ROCK2: variants seen among roughly 807,000 people sequenced by gnomAD.
The protein encoded by ROCK2 is Rho associated coiled-coil containing protein kinase 2.
Under a neutral mutation model 195.1 loss-of-function variants are expected in ROCK2, and 61 were observed. The observed-to-expected ratio is 0.31, with a 90% CI of 0.25 to 0.39. The LOEUF (loss-of-function observed/expected upper bound fraction) is 0.39, where lower values mean the gene tolerates loss of function less well. ROCK2 is among the 10% of genes least tolerant of loss of function. ROCK2 has a pLI of 1.00. For synonymous variants in ROCK2, 504 were observed against 545.5 expected, an observed-to-expected ratio of 0.92 and a Z score of 1.06; for missense variants, 1,109 against 1,637.4, an observed-to-expected ratio of 0.68 and a Z score of 5.57.
At chr2:11,267,105 T>C (rs1182692889) in intron 3 of ROCK2, among the ~76,000 whole-genome samples, 2 of 152,222 alleles carry the variant, frequency 1.3e-5, no homozygotes, top group African/African-American at 4.8e-5. Flanking sequence ...TCCTTCCAAA[T>C]TTCAACTCCA....
At chr2:11,231,034 T>C (rs931773369) in intron 5 of ROCK2, among the ~76,000 whole-genome samples, 2 of 152,156 alleles carry the variant, frequency 1.3e-5, no homozygotes, top group Non-Finnish European at 2.9e-5. Context: ...ACATTTAAAA[T>C]AATCTGAGAA....
intron 7 of ROCK2, 127 bp from the exon 8 acceptor site, chr2:11,222,301 C>T (rs1484103354): frequency 1.8e-6 from 1 of 564,706 alleles, no homozygotes; most frequent in African/African-American, 1.9e-5. Context: ...AAAGCTTCAG[C>T]TTAAATGTTT....
chr2:11,207,697 T>C, intron 20 of ROCK2, 29 bp downstream of exon 20: 1 of 1,549,962 alleles, frequency 6.5e-7, no homozygotes, highest in South Asian at 1.2e-5. Context: ...TAATTATGCA[T>C]ATTAAAACAT....
intron 5 of ROCK2, among the ~76,000 whole-genome samples, chr2:11,228,611 T>C (rs1253968557): frequency 6.6e-6 from 1 of 152,160 alleles, no homozygotes; most frequent in East Asian, 1.9e-4. Flanking sequence ...ATTTTTATCA[T>C]GGACTGTCCT....
chr2:11,186,420 G>A (rs1439496312), intron 32 of ROCK2, among the ~76,000 whole-genome samples: 2 of 152,152 alleles, frequency 1.3e-5, no homozygotes, highest in Non-Finnish European at 2.9e-5. Flanking sequence ...CGCTAGATGC[G>A]ACTGTAGTGT....
At chr2:11,253,559 G>T (rs1665912404) in intron 3 of ROCK2, among the ~76,000 whole-genome samples, 1 of 152,204 alleles carries the variant, frequency 6.6e-6, no homozygotes, top group African/African-American at 2.4e-5. Flanking sequence ...AATTTTTGAT[G>T]TTGTTTCTTT....
At chr2:11,252,390 G>GA (rs528040157) in intron 3 of ROCK2, among the ~76,000 whole-genome samples, 165 of 133,560 alleles carry the variant, frequency 1.2e-3, no homozygotes, top group South Asian at 9.7e-3. Flanking sequence ...CAGCCTGGGT[G>GA]AAAAAAAAAA....
intron 5 of ROCK2, among the ~76,000 whole-genome samples, chr2:11,233,623 T>G (rs1665100215): frequency 6.6e-6 from 1 of 151,274 alleles, no homozygotes; most frequent in Non-Finnish European, 1.5e-5. Flanking sequence ...TAAGGTAAAT[T>G]GATTGATAGA....
upstream of ROCK2, among the ~76,000 whole-genome samples, chr2:11,345,213 T>G (rs1348412788): frequency 1.3e-5 from 2 of 152,234 alleles, no homozygotes; most frequent in Non-Finnish European, 2.9e-5. Flanking sequence ...GGTGGAATCC[T>G]AGTCCTGGGG....
chr2:11,263,081 AC>A (rs890064798), intron 3 of ROCK2, among the ~76,000 whole-genome samples: 29 of 152,306 alleles, frequency 1.9e-4, no homozygotes, highest in African/African-American at 6.0e-4. Context: ...CTTAGAAATA[AC>A]CCTGTAAACA....
At chr2:11,242,834 T>A (rs183921907) in intron 4 of ROCK2, among the ~76,000 whole-genome samples, 2 of 152,300 alleles carry the variant, frequency 1.3e-5, no homozygotes, top group African/African-American at 4.8e-5. Flanking sequence ...GCACATGTAA[T>A]GACATTCAAG....
At position 11,208,317 on chromosome 2, in the gene ROCK2, G is replaced by T; in HGVS notation, c.2334C>A (p.Leu778=). Residue 778 remains leucine, a synonymous_variant, in exon 19 of 33, where the codon CTC becomes CTA. Transcript: ENST00000315872. ...CATTTAGCACATCTTTCTGTTTAAG[G>T]AGCTCATTTATTTTCTGCTGTGACT... is the stretch of plus-strand genomic sequence containing the variant. The part of the protein sequence containing the change: ...LKQSQQKINE[L]LKQKDVLNED... 6.7e-7 allele frequency: 1 copy of T among 1,481,690 alleles called. No individual in the cohort carries two copies. The highest frequency in any genetic ancestry group is 9.1e-7 in the Non-Finnish European group (1 of 1,102,734). 91.8% of individuals were successfully genotyped at this position (1,481,690 alleles called of 1,614,324 possible).
rs1159841696 is a variant in ROCK2, at chr2:11,182,925, A to C, written c.*512T>G. On this transcript the variant is annotated 3_prime_UTR_variant, in exon 33 of 33. Transcript: ENST00000315872. ...GTATAAAAAATAAAGTGGGAAGTTT[A>C]AAAAACCTTCTTGCAGTATTAGAGT... 1 of 151,764 alleles carries C rather than the reference A, an allele frequency of 6.6e-6. No homozygotes were observed. Among genetic ancestry groups the C allele is most frequent in the East Asian group, 1.9e-4 (1 of 5,136 alleles). 9.4% of individuals were successfully genotyped at this position (151,764 alleles called of 1,614,324 possible).
At chr2:11,238,300 T>C (rs1237082069) in intron 4 of ROCK2, among the ~76,000 whole-genome samples, 1 of 149,944 alleles carries the variant, frequency 6.7e-6, no homozygotes, top group Admixed American at 6.7e-5. Context: ...TGAAAATAAA[T>C]GAAGAGACCA....
chr2:11,268,601 A>G (rs187284478), intron 3 of ROCK2, among the ~76,000 whole-genome samples: 155 of 151,700 alleles, frequency 1.0e-3, no homozygotes, highest in Non-Finnish European at 1.5e-3. Context: ...CCCTTTGAAT[A>G]TATTGGCCCA....
At chr2:11,190,538 T>C (rs1358362825) in intron 32 of ROCK2, among the ~76,000 whole-genome samples, 1 of 151,580 alleles carries the variant, frequency 6.6e-6, no homozygotes, top group Non-Finnish European at 1.5e-5. Flanking sequence ...TTATCGTATG[T>C]AGTGAAATCA....
Position 11,201,311 on chromosome 2 carries a change from G to A in ROCK2, c.2722C>T (p.Arg908Trp). The A allele has an allele frequency of 6.2e-7, 1 of 1,602,080 alleles. No homozygotes were observed. Among genetic ancestry groups the A allele is most frequent in the South Asian group, 1.1e-5 (1 of 90,824 alleles). ...AAGAGACAAGGGTCTCATACTTACC[G>A]TTCATCCTGTAATTCCTGTTTCTTC... ...QQKKQELQDERDSLAAQLEIT... is the reference protein window; with the variant it reads ...QQKKQELQDEWDSLAAQLEIT... The change falls in exon 22 of 33, where the codon CGG becomes TGG. Residue 908 changes from arginine to tryptophan, a missense_variant and splice_region_variant. By Grantham distance (101) the Arg-to-Trp change is moderately radical. Around this residue, in one of 6 missense-constraint regions of ROCK2, gnomAD observed 542 missense variants for 672.0 expected, o/e 0.81. Transcript: ENST00000315872. This position sits in a 1 kb window ranked among gnomAD's most constrained non-coding sequence, Gnocchi z 4.6.
chr2:11,301,100 C>G (rs572056767), intron 1 of ROCK2, among the ~76,000 whole-genome samples: 1 of 152,128 alleles, frequency 6.6e-6, no homozygotes, highest in South Asian at 2.1e-4. Flanking sequence ...AAGCATATGT[C>G]ATTTAGTGGG....
chr2:11,298,469 C>CAAAAA (rs771356019), intron 1 of ROCK2, among the ~76,000 whole-genome samples: 1 of 44,980 alleles, frequency 2.2e-5, no homozygotes, highest in Non-Finnish European at 4.8e-5. Flanking sequence ...GACTCCATCT[C>CAAAAA]AAAAAAAAAA....
Sources: allele counts gnomAD v4.1 joint callset (sites outside exome capture counted in the v4.1 genomes callset), GRCh38; gene constraint gnomAD v4.1.1; regional missense constraint gnomAD v4.1.1; non-coding constraint Gnocchi (gnomAD v3.1); transcripts MANE v1.5; gene names NCBI Gene and HGNC (gene_info 2026-07-23, HGNC 2026-07-21).